Variants in PTPN9 observed in about 807,000 individuals in gnomAD.
PTPN9 encodes the protein protein tyrosine phosphatase non-receptor type 9.
A neutral mutation model predicts 69.8 loss-of-function variants in PTPN9; 26 were observed. The observed-to-expected ratio is 0.37, with a 90% CI of 0.27 to 0.52. The LOEUF is 0.52. Ranked by LOEUF, PTPN9 falls within the 20% of genes least tolerant of loss-of-function variation. PTPN9 has a pLI of 0.91. For synonymous variants in PTPN9, 274 were observed against 272.5 expected, an observed-to-expected ratio of 1.01 and a Z score of -0.05; for missense variants, 549 against 740.3, an observed-to-expected ratio of 0.74 and a Z score of 3.00.
At chr15:75,534,762 C>T (rs1020704572) in intron 1 of PTPN9, among the ~76,000 whole-genome samples, 3 of 151,588 alleles carry the variant, frequency 2.0e-5, no homozygotes, top group Non-Finnish European at 2.9e-5. Flanking sequence ...CACCTGAGGT[C>T]AGAAGTTTGA....
intron 6 of PTPN9, 25 bp from the exon 7 acceptor site, chr15:75,506,028 G>C: frequency 6.5e-7 from 1 of 1,536,290 alleles, no homozygotes; most frequent in Non-Finnish European, 9.0e-7. Context: ...AGAACCATGT[G>C]AGTATGTGGG....
At chr15:75,530,897 A>C (rs1180567175) in intron 1 of PTPN9, among the ~76,000 whole-genome samples, 1 of 118,148 alleles carries the variant, frequency 8.5e-6, no homozygotes, top group Non-Finnish European at 1.7e-5. Flanking sequence ...ATTATATATT[A>C]TATTATATAT....
intron 1 of PTPN9, among the ~76,000 whole-genome samples, chr15:75,565,462 T>C (rs1026455700): frequency 2.6e-5 from 4 of 152,180 alleles, no homozygotes; most frequent in African/African-American, 9.6e-5. Flanking sequence ...CAGATAATTC[T>C]CTGCTGTAGG....
intron 1 of PTPN9, among the ~76,000 whole-genome samples, chr15:75,546,512 A>T (rs1032772997): frequency 6.6e-6 from 1 of 151,788 alleles, no homozygotes; most frequent in Admixed American, 6.6e-5. Flanking sequence ...GCATGGTGGC[A>T]CATGCCTGTA....
At chr15:75,496,994 C>T (rs938920233) in intron 7 of PTPN9, among the ~76,000 whole-genome samples, 4 of 151,854 alleles carry the variant, frequency 2.6e-5, no homozygotes, top group African/African-American at 4.8e-5. Flanking sequence ...TAACTGAAAG[C>T]AAAGAAATTA....
chr15:75,511,145 T>C (rs2074843512), intron 5 of PTPN9, among the ~76,000 whole-genome samples: 1 of 152,132 alleles, frequency 6.6e-6, no homozygotes, highest in Non-Finnish European at 1.5e-5. Context: ...TTTCCACTTG[T>C]ACACATTGGT....
chr15:75,486,858 T>C (rs1370284283), intron 8 of PTPN9, among the ~76,000 whole-genome samples: 2 of 150,966 alleles, frequency 1.3e-5, no homozygotes, highest in African/African-American at 4.9e-5. Context: ...GATCTCGGCT[T>C]ACTGCAAGCT....
intron 5 of PTPN9, among the ~76,000 whole-genome samples, chr15:75,515,417 A>G (rs2074864414): frequency 8.2e-6 from 1 of 121,270 alleles, no homozygotes; most frequent in African/African-American, 3.5e-5. Context: ...ACAGTGCGAG[A>G]CTCCGTCTCA....
intron 8 of PTPN9, among the ~76,000 whole-genome samples, chr15:75,488,966 G>A (rs2074694267): frequency 6.6e-6 from 1 of 151,918 alleles, no homozygotes; most frequent in East Asian, 1.9e-4. Flanking sequence ...ACGAGGTCAG[G>A]AGATCGAGAC....
intron 1 of PTPN9, among the ~76,000 whole-genome samples, chr15:75,541,869 C>T (rs1449034688): frequency 6.6e-6 from 1 of 151,576 alleles, no homozygotes; most frequent in Non-Finnish European, 1.5e-5. Flanking sequence ...GAAACCCCGT[C>T]TCTGCTAAAA....
intron 7 of PTPN9, among the ~76,000 whole-genome samples, chr15:75,494,840 A>G (rs1217335876): frequency 6.6e-6 from 1 of 151,872 alleles, no homozygotes; most frequent in Non-Finnish European, 1.5e-5. Context: ...CCTGGCCAAC[A>G]TGGTGAAACT....
chr15:75,511,129 GGGTTGTTTCCACTTGTACACATT>G (rs1237761049), intron 5 of PTPN9, among the ~76,000 whole-genome samples: 2 of 152,076 alleles, frequency 1.3e-5, no homozygotes, highest in Admixed American at 6.6e-5. Flanking sequence ...ATGGACATTT[GGGTTGTTTCCACTTGTACACATT>G]GGTTGTTTCC....
rs989241841 is a variant in PTPN9 at position 75,549,541 on chromosome 15, C to T, written c.64-22280G>A. Among the ~76,000 whole-genome samples the T allele has an allele frequency of 5.3e-5, 8 of 152,212 alleles. No homozygotes were observed. In the East Asian group the frequency reaches 1.5e-3, roughly 29 times the overall value. The stretch of plus-strand genomic sequence containing the variant: ...AAAGGGAACAATCTGAAGAGACTAG[C>T]ACAATCGAAAAGCATTCTTGAGTAC... On this transcript the variant is annotated intron_variant, in intron 1 of 12. Coordinates refer to ENST00000618819, the MANE Select transcript of PTPN9 (RefSeq NM_002833.4).
chr15:75,480,323 T>C (rs189498639), intron 8 of PTPN9, among the ~76,000 whole-genome samples: 1 of 152,144 alleles, frequency 6.6e-6, no homozygotes, highest in South Asian at 2.1e-4. Flanking sequence ...TAAAAACTTA[T>C]GCCAGGCGCG....
intron 1 of PTPN9, among the ~76,000 whole-genome samples, chr15:75,545,316 C>T (rs531417739): frequency 1.4e-4 from 22 of 152,122 alleles, no homozygotes; most frequent in Admixed American, 3.9e-4. Context: ...ACTTGTAATC[C>T]CAACACTATG....
intron 1 of PTPN9, among the ~76,000 whole-genome samples, chr15:75,556,058 AAG>A (rs1435585532): frequency 7.3e-5 from 11 of 150,362 alleles, no homozygotes; most frequent in Non-Finnish European, 1.5e-4. Context: ...AAAAAAAAAA[AAG>A]AGAGAGAGGC....
Position 75,464,348 on chromosome 15 carries a change from G to A in PTPN9, c.*4421C>T, listed in dbSNP as rs2074528462. ...AGCCCAGTTGTTGAGACTGCAGTGA[G>A]CCATGATCATGCCACTCCCCTCTAA... On this transcript the variant is annotated 3_prime_UTR_variant, in exon 13 of 13. Transcript: ENST00000618819. 1 of 151,932 alleles carries A rather than the reference G, an allele frequency of 6.6e-6. No individual in the cohort carries two copies. Among genetic ancestry groups the A allele is most frequent in the Non-Finnish European group, 1.5e-5 (1 of 68,102 alleles). The allele number at this position is 151,932 out of a possible 1,614,324, so 9.4% of individuals were successfully genotyped here. A position where few individuals can be genotyped will look rare whatever the true frequency, so the allele number is the denominator to read the frequency against.
chr15:75,506,236 A>G (rs1050447167), intron 6 of PTPN9, among the ~76,000 whole-genome samples: 1 of 152,188 alleles, frequency 6.6e-6, no homozygotes, highest in Admixed American at 6.5e-5. Context: ...CACTCCTGGA[A>G]TTAGGGACAC....
intron 1 of PTPN9, among the ~76,000 whole-genome samples, chr15:75,572,754 C>CTTTTT: frequency 6.6e-6 from 1 of 151,940 alleles, no homozygotes; most frequent in African/African-American, 2.4e-5. Context: ...CTTTCACAAG[C>CTTTTT]CTTCTTGTGC....
Sources: gnomAD v4.1 joint callset for allele counts (sites outside exome capture counted in the v4.1 genomes callset) on GRCh38, gnomAD v4.1.1 for gene constraint, MANE v1.5 for transcripts, NCBI Gene and HGNC (gene_info 2026-07-23, HGNC 2026-07-21) for gene names.